The following DRC11 variants were observed in gnomAD, a reference collection of about 807,000 sequenced individuals.
DRC11 encodes the protein IQ and AAA domain-containing protein 1.
the DRC11 span, among the ~76,000 whole-genome samples, chr2:236,504,197 G>C: frequency 6.9e-6 from 1 of 144,908 alleles, no homozygotes; most frequent in Admixed American, 6.7e-5. This position sits in a 1 kb window ranked among gnomAD's most constrained non-coding sequence, Gnocchi z 5.0. Context: ...ATTACACGGC[G>C]GTGGGGGGGG....
chr2:236,336,990 C>T, the DRC11 span, among the ~76,000 whole-genome samples: 1 of 152,202 alleles, frequency 6.6e-6, no homozygotes, highest in African/African-American at 2.4e-5. The surrounding 1 kb of genome is among the most constrained non-coding windows in gnomAD (Gnocchi z 7.3). Context: ...CATGAGATAA[C>T]CCGTCGTGGG....
At chr2:236,419,306 A>G in the DRC11 span, 1 of 1,516,256 alleles carries the variant, frequency 6.6e-7, no homozygotes, top group Middle Eastern at 1.7e-4. The surrounding 1 kb of genome is among the most constrained non-coding windows in gnomAD (Gnocchi z 4.8). Context: ...CCATTTTCAT[A>G]GATCCCTATC....
chr2:236,434,258 C>T, the DRC11 span, among the ~76,000 whole-genome samples: 1 of 151,970 alleles, frequency 6.6e-6, no homozygotes, highest in East Asian at 1.9e-4. This position sits in a 1 kb window ranked among gnomAD's most constrained non-coding sequence, Gnocchi z 5.5. Context: ...ATGTTATGCT[C>T]GTTTCATAAA....
chr2:236,378,676 A>G, the DRC11 span, among the ~76,000 whole-genome samples: 9 of 139,880 alleles, frequency 6.4e-5, no homozygotes, highest in Non-Finnish European at 1.1e-4. Context: ...CTCCGTCTCA[A>G]AAAAAAAAAA....
chr2:236,476,601 T>C, the DRC11 span, among the ~76,000 whole-genome samples: 1 of 152,218 alleles, frequency 6.6e-6, no homozygotes, highest in African/African-American at 2.4e-5. This position sits in a 1 kb window ranked among gnomAD's most constrained non-coding sequence, Gnocchi z 4.7. Context: ...AGTATTATGT[T>C]GAATAAAAGT....
At chr2:236,477,058 C>T in the DRC11 span, among the ~76,000 whole-genome samples, 1 of 152,100 alleles carries the variant, frequency 6.6e-6, no homozygotes, top group East Asian at 1.9e-4. Flanking sequence ...GGATGTTGGC[C>T]GGTAGTTTTC....
At chr2:236,482,377 C>T in the DRC11 span, among the ~76,000 whole-genome samples, 1 of 152,110 alleles carries the variant, frequency 6.6e-6, no homozygotes, top group African/African-American at 2.4e-5. This position sits in a 1 kb window ranked among gnomAD's most constrained non-coding sequence, Gnocchi z 4.5. Context: ...GCACACACAT[C>T]TCTATTTTTG....
the DRC11 span, among the ~76,000 whole-genome samples, chr2:236,431,031 A>T: frequency 6.6e-6 from 1 of 152,218 alleles, no homozygotes; most frequent in Non-Finnish European, 1.5e-5. The surrounding 1 kb of genome is among the most constrained non-coding windows in gnomAD (Gnocchi z 4.2). Context: ...TCTTTTCAAA[A>T]TATAATTTTA....
chr2:236,341,708 G>A, the DRC11 span, among the ~76,000 whole-genome samples: 4 of 152,278 alleles, frequency 2.6e-5, no homozygotes, highest in Non-Finnish European at 4.4e-5. Context: ...GGCAGAAGGC[G>A]AAGCTGGTGG....
chr2:236,418,113 T>C, the DRC11 span, among the ~76,000 whole-genome samples: 1 of 152,164 alleles, frequency 6.6e-6, no homozygotes, highest in Non-Finnish European at 1.5e-5. Flanking sequence ...CTGGGTCAAA[T>C]GGTATTTCTG....
the DRC11 span, among the ~76,000 whole-genome samples, chr2:236,401,370 C>G: frequency 6.6e-6 from 1 of 152,162 alleles, no homozygotes; most frequent in South Asian, 2.1e-4. The surrounding 1 kb of genome is among the most constrained non-coding windows in gnomAD (Gnocchi z 4.6). Flanking sequence ...TGATGGCCTT[C>G]CTGCCCTTTT....
the DRC11 span, among the ~76,000 whole-genome samples, chr2:236,341,085 T>C: frequency 1.2e-3 from 188 of 152,314 alleles, 1 homozygote; most frequent in Middle Eastern, 3.4e-3. Flanking sequence ...TTGGGCAATT[T>C]CAAATTAGTG....
the DRC11 span, among the ~76,000 whole-genome samples, chr2:236,452,912 T>C: frequency 6.6e-6 from 1 of 152,234 alleles, no homozygotes; most frequent in Admixed American, 6.5e-5. This position sits in a 1 kb window ranked among gnomAD's most constrained non-coding sequence, Gnocchi z 4.7. Context: ...TCGGTTCTGG[T>C]TACTCTTCTA....
the DRC11 span, chr2:236,332,625 C>G: frequency 6.6e-6 from 1 of 152,202 alleles, no homozygotes. This position sits in a 1 kb window ranked among gnomAD's most constrained non-coding sequence, Gnocchi z 5.1. Flanking sequence ...GCGGTTAATT[C>G]TGAGTCTGTT....
chr2:236,451,912 T>C, the DRC11 span, among the ~76,000 whole-genome samples: 1 of 152,178 alleles, frequency 6.6e-6, no homozygotes, highest in Non-Finnish European at 1.5e-5. Flanking sequence ...CTTTATTCAT[T>C]TAGTTATTTA....
the DRC11 span, among the ~76,000 whole-genome samples, chr2:236,415,505 G>A: frequency 2.6e-5 from 4 of 152,188 alleles, no homozygotes; most frequent in Middle Eastern, 3.2e-3. This position sits in a 1 kb window ranked among gnomAD's most constrained non-coding sequence, Gnocchi z 5.7. Flanking sequence ...ACTTTTAAAA[G>A]TCTCTGGAAA....
chr2:236,501,545 T>C, the DRC11 span, among the ~76,000 whole-genome samples: 2 of 152,092 alleles, frequency 1.3e-5, no homozygotes, highest in African/African-American at 4.8e-5. Context: ...GAAGCAAAGA[T>C]GATTGAGATG....
the DRC11 span, among the ~76,000 whole-genome samples, chr2:236,388,228 G>T: frequency 6.6e-6 from 1 of 151,762 alleles, no homozygotes; most frequent in Non-Finnish European, 1.5e-5. Flanking sequence ...GATTGGGGAA[G>T]TTCTCCTGGA....
chr2:236,420,936 C>G, the DRC11 span, among the ~76,000 whole-genome samples: 2 of 152,192 alleles, frequency 1.3e-5, no homozygotes, highest in African/African-American at 4.8e-5. The surrounding 1 kb of genome is among the most constrained non-coding windows in gnomAD (Gnocchi z 4.8). Flanking sequence ...AACTGTAAAA[C>G]TTTTCTGCTT....
Sources: gnomAD v4.1 joint callset for allele counts (sites outside exome capture counted in the v4.1 genomes callset) on GRCh38, gnomAD v4.1.1 for gene constraint, Gnocchi (gnomAD v3.1) non-coding constraint, MANE v1.5 for transcripts, NCBI Gene and HGNC (gene_info 2026-07-23, HGNC 2026-07-21) for gene names.